Variants in SLC29A3 observed in about 807,000 individuals in gnomAD.
SLC29A3 encodes the protein solute carrier family 29 member 3, also known as equilibrative nucleoside transporter 3.
Under a neutral mutation model 25.4 loss-of-function variants are expected in SLC29A3, and 18 were observed. The ratio of observed to expected loss-of-function variants is 0.71; its 90% CI spans 0.49 to 1.05. SLC29A3 has a LOEUF of 1.05. Among genes scored for constraint, SLC29A3 ranks in the 50% least tolerant of loss-of-function variants. The probability of loss-of-function intolerance (pLI) is 0.00; values close to 1 mark genes in which losing one functional copy is unlikely to be tolerated. For synonymous variants in SLC29A3, 258 were observed against 267.1 expected, an observed-to-expected ratio of 0.97 and a Z score of 0.33; for missense variants, 586 against 609.0, an observed-to-expected ratio of 0.96 and a Z score of 0.40.
At chr10:71,378,320 T>C (rs1847277171) in intron 4 of SLC29A3, among the ~76,000 whole-genome samples, 1 of 152,114 alleles carries the variant, frequency 6.6e-6, no homozygotes, top group Non-Finnish European at 1.5e-5. Flanking sequence ...CCTTGCAAGC[T>C]TCTCTGCGGT....
rs527877548 is a variant in SLC29A3 at position 71,328,905 on chromosome 10, T to C, written c.300+5851T>C. Among the ~76,000 whole-genome samples the C allele has an allele frequency of 1.0e-3, 156 of 152,164 alleles. 1 individual carries two copies. Among genetic ancestry groups the C allele is most frequent in the Non-Finnish European group, 1.9e-3 (128 of 68,014 alleles). On this transcript the variant is annotated intron_variant, in intron 2 of 5. Transcript: ENST00000373189. Reference sequence around the variant, plus strand: ...TAGTTCTGGTCCAGTCTCTCAGCCCTGCAAAGAAGCAAGATAGCATACTTG... The same window carrying C: ...TAGTTCTGGTCCAGTCTCTCAGCCCCGCAAAGAAGCAAGATAGCATACTTG...
At chr10:71,361,894 G>C in intron 5 of SLC29A3, 60 bp from the exon 6 acceptor site, 2 of 1,603,460 alleles carry the variant, frequency 1.2e-6, no homozygotes, top group Non-Finnish European at 1.7e-6. Flanking sequence ...CCCACCCCTG[G>C]CTGTGCTGAC....
intron 2 of SLC29A3, among the ~76,000 whole-genome samples, chr10:71,333,376 A>T (rs757597899): frequency 1.3e-5 from 2 of 152,246 alleles, no homozygotes; most frequent in Non-Finnish European, 2.9e-5. Flanking sequence ...GCCTGTCTGC[A>T]TGCAGGCACC....
chr10:71,380,752 C>T (rs924157732), exon 5 of SLC29A3: 1 of 152,190 alleles, frequency 6.6e-6, no homozygotes, highest in African/African-American at 2.4e-5. Context: ...TTCACCCTGT[C>T]CCAAACCGAC....
downstream of SLC29A3, among the ~76,000 whole-genome samples, chr10:71,367,077 T>C (rs1345304880): frequency 1.3e-5 from 2 of 151,774 alleles, no homozygotes; most frequent in East Asian, 3.9e-4. Context: ...GGGAAAGGAG[T>C]AGTGGGGGTC....
At chr10:71,319,650 AGGCTGG>A in intron 1 of SLC29A3, 1 of 298,904 alleles carries the variant, frequency 3.3e-6, no homozygotes. Context: ...GCGGGGCCTG[AGGCTGG>A]GGCTGTTTAC....
At position 71,350,539 on chromosome 10, in the gene SLC29A3, G is replaced by A. The variant is rs538274403; in HGVS notation, c.384-1023G>A. ...TGTTCTTGCTTCCTAGAATAAAAAT[G>A]TGCAGCTTCTCAGATAGAATCCTTC... On this transcript the variant is annotated intron_variant, in intron 3 of 5. Coordinates refer to ENST00000373189, the MANE Select transcript of SLC29A3 (RefSeq NM_018344.6). Among the ~76,000 whole-genome samples, 191 of 152,264 alleles carry A rather than the reference G, an allele frequency of 1.3e-3. 1 individual carries two copies. The highest frequency in any genetic ancestry group is 1.5e-3 in the Non-Finnish European group (103 of 68,014).
At chr10:71,374,584 A>C (rs916834297) in intron 3 of SLC29A3, among the ~76,000 whole-genome samples, 3 of 152,102 alleles carry the variant, frequency 2.0e-5, no homozygotes, top group Non-Finnish European at 4.4e-5. Context: ...AGAGAACTAC[A>C]AGAAGAGTAA....
At chr10:71,361,769 G>A (rs558256828) in intron 5 of SLC29A3, among the ~76,000 whole-genome samples, 185 bp from the exon 6 acceptor site, 3 of 152,290 alleles carry the variant, frequency 2.0e-5, no homozygotes, top group Non-Finnish European at 4.4e-5. Flanking sequence ...CAGGGACAAC[G>A]CAGGCCTTCC....
Position 71,363,241 on chromosome 10 carries a change from T to C in SLC29A3, c.*633T>C. On this transcript the variant is annotated 3_prime_UTR_variant, in exon 6 of 6. Coordinates refer to ENST00000373189, the MANE Select transcript of SLC29A3 (RefSeq NM_018344.6). Reference sequence around the variant, plus strand: ...GCCTCCCTGTGCAAGGGATCAAGCATGTCTGGCCTGGGTTTTCAAAAAAAG... The same window carrying C: ...GCCTCCCTGTGCAAGGGATCAAGCACGTCTGGCCTGGGTTTTCAAAAAAAG... 2.2e-6 allele frequency: 1 copy of C among 454,086 alleles called. No homozygotes were observed. Among genetic ancestry groups the C allele is most frequent in the Non-Finnish European group, 4.4e-6 (1 of 226,778 alleles). 28.1% of individuals were successfully genotyped at this position (454,086 alleles called of 1,614,324 possible). A position where few individuals can be genotyped will look rare whatever the true frequency, so the allele number is the denominator to read the frequency against.
intron 2 of SLC29A3, among the ~76,000 whole-genome samples, chr10:71,328,041 CCTT>C (rs1846013173): frequency 6.6e-6 from 1 of 152,132 alleles, no homozygotes. Context: ...AGTGTCTGCA[CCTT>C]CTCCTGGCCA....
At chr10:71,375,408 T>C (rs1256898420) in intron 3 of SLC29A3, among the ~76,000 whole-genome samples, 1 of 152,224 alleles carries the variant, frequency 6.6e-6, no homozygotes, top group Non-Finnish European at 1.5e-5. Flanking sequence ...AACTTGCAGT[T>C]TAGTGCTTGC....
intron 2 of SLC29A3, among the ~76,000 whole-genome samples, chr10:71,325,456 G>T (rs902884847): frequency 2.6e-5 from 4 of 152,144 alleles, no homozygotes; most frequent in African/African-American, 9.7e-5. Flanking sequence ...TACCAATGCG[G>T]GCCACGCCCC....
intron 3 of SLC29A3, 88 bp from the exon 4 acceptor site, chr10:71,351,474 G>A (rs531429336): frequency 3.0e-5 from 35 of 1,174,448 alleles, no homozygotes; most frequent in African/African-American, 2.1e-4. Flanking sequence ...TGCTAAGCTC[G>A]CCTGCTTCCC....
At chr10:71,326,393 C>T (rs564974684) in intron 2 of SLC29A3, among the ~76,000 whole-genome samples, 4 of 152,178 alleles carry the variant, frequency 2.6e-5, no homozygotes, top group Non-Finnish European at 5.9e-5. Context: ...AGGGATGGGC[C>T]CATACTTCTA....
chr10:71,359,364 T>G (rs1846997466), intron 5 of SLC29A3, among the ~76,000 whole-genome samples: 2 of 152,208 alleles, frequency 1.3e-5, no homozygotes, highest in South Asian at 4.1e-4. Flanking sequence ...CGTCCTACAT[T>G]TGGGAGAGTG....
rs780130363 is a variant in SLC29A3, at chr10:71,362,547, ATG to A, written c.1372_1373del (p.Cys458LeufsTer97). 2 of 1,613,878 alleles carry A rather than the reference ATG, an allele frequency of 1.2e-6. No homozygotes were observed. The highest frequency in any genetic ancestry group is 2.7e-5 in the African/African-American group (2 of 74,856). ...GCCACGGGAGTGGTGATGTCCTTTT[ATG>A]TGTGCTTGGGCTTAACACTGGGCTC... On this transcript the variant is annotated frameshift_variant, in exon 6 of 6. Transcript: ENST00000373189. LOFTEE classifies it high-confidence loss of function.
intron 1 of SLC29A3, among the ~76,000 whole-genome samples, chr10:71,322,306 A>G (rs1010507519): frequency 2.6e-5 from 4 of 152,074 alleles, no homozygotes; most frequent in Non-Finnish European, 5.9e-5. Flanking sequence ...CCTGCTCCTT[A>G]TTTCTTTCAC....
intron 3 of SLC29A3, among the ~76,000 whole-genome samples, chr10:71,372,634 C>T (rs145930583): frequency 1.1e-4 from 16 of 152,256 alleles, no homozygotes; most frequent in African/African-American, 3.4e-4. Flanking sequence ...ACACCTGGCC[C>T]GGGGAGAGAA....
Sources: allele counts gnomAD v4.1 joint callset (sites outside exome capture counted in the v4.1 genomes callset), GRCh38; gene constraint gnomAD v4.1.1; transcripts MANE v1.5; gene names NCBI Gene and HGNC (gene_info 2026-07-23, HGNC 2026-07-21).